GLUD1: variants seen among roughly 807,000 people sequenced by gnomAD.
GLUD1 encodes glutamate dehydrogenase 1, mitochondrial.
Under a neutral mutation model 56.0 loss-of-function variants are expected in GLUD1, and 22 were observed. The ratio of observed to expected loss-of-function variants is 0.39; its 90% CI spans 0.28 to 0.56. GLUD1 has a LOEUF of 0.56. Ranked by LOEUF, GLUD1 falls within the 20% of genes least tolerant of loss-of-function variation. The probability of loss-of-function intolerance (pLI) is 0.58; values close to 1 mark genes in which losing one functional copy is unlikely to be tolerated. For synonymous variants in GLUD1, 223 were observed against 269.9 expected, an observed-to-expected ratio of 0.83 and a Z score of 1.70; for missense variants, 451 against 732.0, an observed-to-expected ratio of 0.62 and a Z score of 4.43.
Position 87,094,656 on chromosome 10 carries a change from G to T in GLUD1, c.114C>A (p.Ala38=). ...ALLGWARGQP[A]AAPQPGLALA... ...ATGCCAGCCCCGGCTGCGGGGCGGC[G>T]GCGGGCTGTCCCCGGGCCCAGCCCA... The change falls in exon 1 of 13, where the codon GCC becomes GCA. Residue 38 remains alanine, a synonymous_variant. Transcript: ENST00000277865. The surrounding 1 kb of genome is among the most constrained non-coding windows in gnomAD (Gnocchi z 6.6). 6.3e-7 allele frequency: 1 copy of T among 1,591,706 alleles called. No homozygotes were observed. Among genetic ancestry groups the T allele is most frequent in the Non-Finnish European group, 8.5e-7 (1 of 1,169,808 alleles).
At chr10:87,092,912 G>C (rs1036937810) in intron 1 of GLUD1, among the ~76,000 whole-genome samples, 1 of 152,162 alleles carries the variant, frequency 6.6e-6, no homozygotes, top group Non-Finnish European at 1.5e-5. Flanking sequence ...GGGAGTGGTA[G>C]GAAGAAGGCA....
At chr10:87,060,067 G>A (rs982229358) in intron 9 of GLUD1, 94 bp downstream of exon 9, 2 of 828,716 alleles carry the variant, frequency 2.4e-6, no homozygotes, top group South Asian at 2.7e-5. Context: ...ACTAGAGCTT[G>A]GAGACTAATA....
In GLUD1 at chr10:87,060,256, G is replaced by T. The variant is rs781337235; in HGVS notation, c.1198-15C>A. The T allele has an allele frequency of 1.1e-5, 17 of 1,570,814 alleles. No individual in the cohort carries two copies. In the East Asian group the frequency reaches 3.8e-4, roughly 35 times the overall value. On this transcript the variant is annotated splice_polypyrimidine_tract_variant and intron_variant, in intron 8 of 12. Coordinates refer to ENST00000277865, the MANE Select transcript of GLUD1 (RefSeq NM_005271.5). ...TCAGCAATGATCTGCAAGAGAGTCA[G>T]GAACATAGAGAAATGCGAACACCAC...
rs1325247193 is a variant in GLUD1 at position 87,094,596 on chromosome 10, G to A, written c.174C>T (p.Ala58=). The A allele has an allele frequency of 1.2e-6, 2 of 1,610,976 alleles. No homozygotes were observed. Among genetic ancestry groups the A allele is most frequent in the Non-Finnish European group, 1.7e-6 (2 of 1,179,758 alleles). Residue 58 remains alanine, a synonymous_variant, in exon 1 of 13, where the codon GCC becomes GCT. Transcript: ENST00000277865. The surrounding 1 kb of genome is among the most constrained non-coding windows in gnomAD (Gnocchi z 6.6). ...AGAAGTTGGGGTCGTCCTCGCGGTC[G>A]GCCACCGCCTCGCTGTAGTGGCGCC... is the stretch of plus-strand genomic sequence containing the variant. ...AARRHYSEAV[A]DREDDPNFFK...
At chr10:87,051,897 A>C (rs1845640266) in intron 12 of GLUD1, 27 bp from the exon 13 acceptor site, 1 of 1,613,950 alleles carries the variant, frequency 6.2e-7, no homozygotes, top group Non-Finnish European at 8.5e-7. Context: ...AATGCAGTGA[A>C]GATGATCCTG....
intron 12 of GLUD1, 55 bp downstream of exon 12, chr10:87,053,287 G>A (rs1004690102): frequency 1.8e-6 from 2 of 1,134,646 alleles, no homozygotes; most frequent in African/African-American, 3.0e-5. Flanking sequence ...AGATAGCATG[G>A]TTGAGTTGCA....
rs116206149 is a variant in GLUD1 at position 87,056,766 on chromosome 10, A to C, written c.1494+925T>G. Among the ~76,000 whole-genome samples the C allele has an allele frequency of 8.9e-3, 1,348 of 152,286 alleles. 27 individuals are homozygous for C. The highest frequency in any genetic ancestry group is 0.031 in the African/African-American group (1,280 of 41,534). The stretch of plus-strand genomic sequence containing the variant: ...ACCAATCTACACCGTCACTAGAATA[A>C]AGGTACAACTGTTTCACCACATATA... On this transcript the variant is annotated intron_variant, in intron 11 of 12. Coordinates refer to ENST00000277865, the MANE Select transcript of GLUD1 (RefSeq NM_005271.5).
Position 87,094,331 on chromosome 10 carries a change from T to G in GLUD1, c.439A>C (p.Lys147Gln). The part of the protein sequence containing the change: ...AQHSQHRTPC[K>Q]GGIRYSTDVS... ...GGGCCCGGCCGACGCTCACCTCCCT[T>G]GCAGGGCGTGCGGTGCTGGCTGTGC... The change falls in exon 1 of 13, where the codon AAG becomes CAG. Residue 147 changes from lysine to glutamine, a missense_variant. Coordinates refer to ENST00000277865, the MANE Select transcript of GLUD1 (RefSeq NM_005271.5). This position sits in a 1 kb window ranked among gnomAD's most constrained non-coding sequence, Gnocchi z 6.6. The G allele has an allele frequency of 6.2e-7, 1 of 1,608,334 alleles. No individual in the cohort carries two copies. The highest frequency in any genetic ancestry group is 1.3e-5 in the African/African-American group (1 of 74,838).
chr10:87,056,551 T>TC (rs1163232425), intron 11 of GLUD1, among the ~76,000 whole-genome samples: 2 of 152,146 alleles, frequency 1.3e-5, no homozygotes, highest in Non-Finnish European at 2.9e-5. Flanking sequence ...TGCCTTGGCC[T>TC]CCCAAAGTGC....
At position 87,072,898 on chromosome 10, in the gene GLUD1, A is replaced by G. The variant is rs372350269; in HGVS notation, c.646+1653T>C. The stretch of plus-strand genomic sequence containing the variant: ...TATCTCAGAATCAGTAGGCACTCCT[A>G]TAAAAGTGTGAGCGAGATAGTTAAC... On this transcript the variant is annotated intron_variant, in intron 4 of 12. Transcript: ENST00000277865. 7.9e-5 allele frequency among the ~76,000 whole-genome samples: 12 copies of G among 152,358 alleles called. No individual in the cohort carries two copies. The East Asian group carries it at 9.6e-4, about 12-fold the overall frequency.
chr10:87,085,808 C>G (rs977841532), intron 1 of GLUD1, among the ~76,000 whole-genome samples: 10 of 152,130 alleles, frequency 6.6e-5, no homozygotes, highest in African/African-American at 2.4e-4. Context: ...TGTTATTTAA[C>G]TTACAGCCTG....
chr10:87,076,156 C>A (rs1352899183), intron 2 of GLUD1, 133 bp from the exon 3 acceptor site: 5 of 747,272 alleles, frequency 6.7e-6, no homozygotes, highest in Admixed American at 2.0e-5. Context: ...ATAAACCTAC[C>A]ATCATTTTCT....
chr10:87,060,576 T>A (rs1845904264), intron 8 of GLUD1, 112 bp downstream of exon 8: 2 of 1,261,882 alleles, frequency 1.6e-6, no homozygotes, highest in African/African-American at 2.9e-5. Flanking sequence ...ATGTGCAGTA[T>A]GTGCCAATAA....
At chr10:87,058,016 G>A (rs949795921) in intron 10 of GLUD1, among the ~76,000 whole-genome samples, 9 of 151,946 alleles carry the variant, frequency 5.9e-5, no homozygotes, top group African/African-American at 1.9e-4. Context: ...CTACAGGTGC[G>A]CGCCACCACG....
At chr10:87,079,119 T>C (rs894981693) in intron 1 of GLUD1, among the ~76,000 whole-genome samples, 8 of 152,126 alleles carry the variant, frequency 5.3e-5, no homozygotes, top group Non-Finnish European at 1.2e-4. Context: ...GTTGTATTCA[T>C]AAATCATAAA....
chr10:87,093,204 C>T (rs1841567030), intron 1 of GLUD1, among the ~76,000 whole-genome samples: 1 of 152,236 alleles, frequency 6.6e-6, no homozygotes, highest in Admixed American at 6.5e-5. Context: ...GCGGGCATAA[C>T]TGAAAGACCA....
intron 1 of GLUD1, among the ~76,000 whole-genome samples, chr10:87,090,378 A>G (rs778596232): frequency 8.5e-5 from 13 of 152,192 alleles, no homozygotes; most frequent in Non-Finnish European, 1.9e-4. Context: ...TAATTCTTAC[A>G]AAGTATACTT....
At chr10:87,060,568 G>T in intron 8 of GLUD1, 120 bp downstream of exon 8, 2 of 1,163,668 alleles carry the variant, frequency 1.7e-6, no homozygotes, top group Non-Finnish European at 2.6e-6. Context: ...TGTATGGTAT[G>T]TGCAGTATGT....
chr10:87,082,767 A>G (rs1001336363), intron 1 of GLUD1, among the ~76,000 whole-genome samples: 3 of 152,252 alleles, frequency 2.0e-5, no homozygotes, highest in Non-Finnish European at 4.4e-5. Context: ...AAGTGCACCC[A>G]TTAATAAAAT....
Sources: gnomAD v4.1 joint callset for allele counts (sites outside exome capture counted in the v4.1 genomes callset) on GRCh38, gnomAD v4.1.1 for gene constraint, Gnocchi (gnomAD v3.1) non-coding constraint, MANE v1.5 for transcripts, NCBI Gene and HGNC (gene_info 2026-07-23, HGNC 2026-07-21) for gene names.